Variants in ALDH3A1 observed in about 807,000 individuals in gnomAD.
ALDH3A1 encodes the protein aldehyde dehydrogenase 3 family member A1, also known as aldehyde dehydrogenase, dimeric NADP-preferring.
Under a neutral mutation model 49.9 loss-of-function variants are expected in ALDH3A1, and 46 were observed. The ratio of observed to expected loss-of-function variants is 0.92; its 90% CI spans 0.73 to 1.18. The LOEUF (loss-of-function observed/expected upper bound fraction) is 1.18. Among genes scored for constraint, ALDH3A1 ranks in the 50% most tolerant of loss-of-function variants. ALDH3A1 has a pLI of 0.00. For synonymous variants in ALDH3A1, 269 were observed against 253.3 expected (o/e 1.06, Z -0.59); for missense variants, 592 against 611.8 (o/e 0.97, Z 0.34).
chr17:19,743,404 C>T lies in ALDH3A1; in HGVS notation c.222G>A (p.Met74Ile). The T allele has an allele frequency of 1.2e-6, 2 of 1,614,092 alleles. No individual in the cohort carries two copies. Among genetic ancestry groups the T allele is most frequent in the South Asian group, 1.1e-5 (1 of 91,068 alleles). ...CGGCCCACTCAGGGAGCTTCTGGAT[C>T]ATGTACTCGATCTCCTCTAGGACGT... ...VVYVLEEIEY[M>I]IQKLPEWAAD... The change falls in exon 3 of 11, where the codon ATG becomes ATA. Residue 74 changes from methionine to isoleucine, a missense_variant. Met to Ile is a conservative substitution (Grantham distance 10). Transcript: ENST00000225740. This position sits in a 1 kb window ranked among gnomAD's most constrained non-coding sequence, Gnocchi z 4.4.
chr17:19,739,598 G>A lies in ALDH3A1; in HGVS notation c.1026C>T (p.Ile342=), dbSNP rs761187992. 1.2e-5 allele frequency: 19 copies of A among 1,613,832 alleles called. No homozygotes were observed. Among genetic ancestry groups the A allele is most frequent in the South Asian group, 3.3e-5 (3 of 91,000 alleles). ...CCTCCTCCAGGCTGCGCACGCACAC[G>A]ATGGGCAGCACAGGCCCGAAGATCT... ...QEEIFGPVLP[I]VCVRSLEEAI... is the part of the protein sequence containing the mutation. Residue 342 remains isoleucine (I), a synonymous_variant, in exon 8 of 11, where the codon ATC becomes ATT. Coordinates refer to ENST00000225740, the MANE Select transcript of ALDH3A1 (RefSeq NM_000691.5).
Position 19,738,012 on chromosome 17 carries a change from T to C in ALDH3A1, c.*209A>G. On this transcript the variant is annotated 3_prime_UTR_variant, in exon 11 of 11. Coordinates refer to ENST00000225740, the MANE Select transcript of ALDH3A1 (RefSeq NM_000691.5). ...GCTGAGTTAGAAAATTGTATTCGTCTCTTTATTGGTCTAGAAAGGGGTGGA... is the reference window on the plus strand; with the variant it reads ...GCTGAGTTAGAAAATTGTATTCGTCCCTTTATTGGTCTAGAAAGGGGTGGA... 2 of 1,481,020 alleles carry C rather than the reference T, an allele frequency of 1.4e-6. No homozygotes were observed. Among genetic ancestry groups the C allele is most frequent in the Non-Finnish European group, 1.8e-6 (2 of 1,115,866 alleles). 91.7% of individuals were successfully genotyped at this position (1,481,020 alleles called of 1,614,324 possible).
rs58072200 is a variant in ALDH3A1, at chr17:19,741,012, C to T, written c.807+81G>A. On this transcript the variant is annotated intron_variant, in intron 6 of 10. Transcript: ENST00000225740. The stretch of plus-strand genomic sequence containing the variant: ...GAAAATAAATCCAGTGTTTCCAAAT[C>T]TGTAGAAGTTGGTTAAGGGGCCAGG... The T allele has an allele frequency of 3.8e-3, 3,903 of 1,026,566 alleles. 89 individuals carry two copies. In the African/African-American group the frequency reaches 0.052, roughly 14 times the overall value. The allele number at this position is 1,026,566 out of a possible 1,614,324, so 63.6% of individuals were successfully genotyped here.
chr17:19,740,145 T>G, intron 7 of ALDH3A1, 191 bp downstream of exon 7: 1 of 614,340 alleles, frequency 1.6e-6, no homozygotes, highest in Non-Finnish European at 2.7e-6. Context: ...GGAGAGGGGA[T>G]TCTGAGGTTG....
rs115899325 is a variant in ALDH3A1 at position 19,742,905 on chromosome 17, C to T, written c.395-275G>A. The T allele has an allele frequency of 9.1e-4, 1,390 of 1,527,634 alleles. 10 individuals are homozygous for T. In the African/African-American group the frequency reaches 0.017, roughly 19 times the overall value. 94.6% of individuals were successfully genotyped at this position (1,527,634 alleles called of 1,614,324 possible). On this transcript the variant is annotated intron_variant, in intron 3 of 10. Transcript: ENST00000225740. ...AGGAAAAGCAGAAAGGGGAGAGAGG[C>T]TCTGGGGGCCCGGTTGGTAGAACAG...
chr17:19,738,901 C>T, intron 9 of ALDH3A1, 95 bp downstream of exon 9: 1 of 1,124,054 alleles, frequency 8.9e-7, no homozygotes, highest in South Asian at 1.4e-5. Context: ...AGGCTGCCGC[C>T]CGGGCTGCAG....
At chr17:19,740,563 G>C (rs923442663) in intron 6 of ALDH3A1, 86 bp from the exon 7 acceptor site, 4 of 1,485,140 alleles carry the variant, frequency 2.7e-6, no homozygotes, top group Non-Finnish European at 3.7e-6. Flanking sequence ...AGCAGTGTCT[G>C]TCTTTGGGTG....
rs752903104 is a variant in ALDH3A1, at chr17:19,743,500, G to T, written c.163-37C>A. 6 of 1,551,614 alleles carry T rather than the reference G, an allele frequency of 3.9e-6. No individual in the cohort carries two copies. Among genetic ancestry groups the T allele is most frequent in the African/African-American group, 1.4e-5 (1 of 73,248 alleles). On this transcript the variant is annotated intron_variant, in intron 2 of 10. Transcript: ENST00000225740. This position sits in a 1 kb window ranked among gnomAD's most constrained non-coding sequence, Gnocchi z 4.4. ...GAGCCGGAGTGAGCTTCCAGGGCCA[G>T]GGCCCGCCTGCAGCTGGGGCGAGTG...
chr17:19,744,482 C>T, intron 2 of ALDH3A1: 1 of 985,432 alleles, frequency 1.0e-6, no homozygotes, highest in Non-Finnish European at 1.2e-6. Context: ...CTCCGGAGCG[C>T]TGGACCCCAG....
intron 1 of ALDH3A1, chr17:19,745,631 C>CT (rs2086585925): frequency 6.5e-6 from 1 of 152,788 alleles, no homozygotes; most frequent in African/African-American, 2.4e-5. Context: ...CTTGGCAGAG[C>CT]TGAACCAGGC....
intron 6 of ALDH3A1, 34 bp from the exon 7 acceptor site, chr17:19,740,511 C>T (rs938012361): frequency 7.5e-6 from 12 of 1,609,762 alleles, no homozygotes; most frequent in African/African-American, 5.3e-5. Flanking sequence ...CGGGTAAGGA[C>T]GCAGAGCCTC....
At chr17:19,742,920 T>C (rs2086526430) in intron 3 of ALDH3A1, 10 of 1,524,618 alleles carry the variant, frequency 6.6e-6, no homozygotes, top group Non-Finnish European at 8.8e-6. Context: ...GGGGCCCGGT[T>C]GGTAGAACAG....
rs950897876 is a variant in ALDH3A1, at chr17:19,741,226, A to G, written c.690-16T>C. 4 of 1,609,176 alleles carry G rather than the reference A, an allele frequency of 2.5e-6. No homozygotes were observed. The highest frequency in any genetic ancestry group is 3.4e-6 in the Non-Finnish European group (4 of 1,176,150). On this transcript the variant is annotated splice_polypyrimidine_tract_variant and intron_variant, in intron 5 of 10. Transcript: ENST00000225740. The stretch of plus-strand genomic sequence containing the variant: ...GGCGATGCGTCTGTGAGAATCCCAG[A>G]CTGGACTAAATCCAAAAGGTTCCCC...
At chr17:19,744,895 T>TGG in intron 2 of ALDH3A1, 73 bp downstream of exon 2, 49 of 923,894 alleles carry the variant, frequency 5.3e-5, no homozygotes, top group Middle Eastern at 3.6e-4. Flanking sequence ...GGTCGCACTC[T>TGG]CCCCAGCCCC....
At chr17:19,740,287 G>A (rs775334611) in intron 7 of ALDH3A1, 49 bp downstream of exon 7, 1 of 1,598,168 alleles carries the variant, frequency 6.3e-7, no homozygotes, top group South Asian at 1.1e-5. Context: ...ACTTGCTGGG[G>A]ACCCCTGCAG....
At chr17:19,744,055 C>T (rs576992677) in intron 2 of ALDH3A1, 3 of 985,290 alleles carry the variant, frequency 3.0e-6, no homozygotes, top group East Asian at 2.3e-4. Flanking sequence ...GAATGGGTTT[C>T]CTTGTTGTTT....
chr17:19,745,194 C>A (rs1032556384), intron 1 of ALDH3A1, 60 bp from the exon 2 acceptor site: 9 of 1,486,334 alleles, frequency 6.1e-6, no homozygotes, highest in Non-Finnish European at 8.0e-6. Context: ...GCCTCCCACC[C>A]TGCCTGAATT....
intron 2 of ALDH3A1, chr17:19,744,727 G>A (rs886957789): frequency 1.1e-5 from 15 of 1,354,110 alleles, no homozygotes; most frequent in Non-Finnish European, 1.4e-5. Flanking sequence ...TGAAATGGGG[G>A]ACGCTGCGGG....
chr17:19,738,145 G>C lies in ALDH3A1; in HGVS notation c.*76C>G, dbSNP rs763976487. On this transcript the variant is annotated 3_prime_UTR_variant, in exon 11 of 11. Transcript: ENST00000225740. ...GGGGCTGCAGGAGCGATTCTCCCAG[G>C]GCCAGGAGAGCCAGTGAGGGTGGTC... 7.5e-6 allele frequency: 12 copies of C among 1,610,402 alleles called. No individual in the cohort carries two copies. Among genetic ancestry groups the C allele is most frequent in the Non-Finnish European group, 9.3e-6 (11 of 1,179,932 alleles).
Sources: allele counts gnomAD v4.1 joint callset, GRCh38; gene constraint gnomAD v4.1.1; non-coding constraint Gnocchi (gnomAD v3.1); transcripts MANE v1.5; gene names NCBI Gene and HGNC (gene_info 2026-07-23, HGNC 2026-07-21).